The following DENND5B variants were observed in gnomAD, a reference collection of about 807,000 sequenced individuals.
The protein encoded by DENND5B is DENN domain-containing protein 5B.
A neutral mutation model predicts 140.6 loss-of-function variants in DENND5B; 34 were observed. That is an observed-to-expected ratio of 0.24 (90% CI 0.18 to 0.32). The LOEUF is 0.32. DENND5B is among the 10% of genes least tolerant of loss of function. The pLI is 1.00. For missense variants in DENND5B, 1,142 were observed against 1,560.2 expected, an observed-to-expected ratio of 0.73 and a Z score of 4.52; for synonymous variants, 551 against 562.1, an observed-to-expected ratio of 0.98 and a Z score of 0.28.
rs947798277 is a variant in DENND5B, at chr12:31,496,860, G to A, written c.128-941C>T. On this transcript the variant is annotated intron_variant, in intron 1 of 20. Coordinates refer to ENST00000389082, the MANE Select transcript of DENND5B (RefSeq NM_144973.4). The stretch of plus-strand genomic sequence containing the variant: ...TTTCATGAAATATTTTAAGGTAGAC[G>A]GATCTTAAATTCCCAATGTCAAAAA... Among the ~76,000 whole-genome samples, 5 of 151,922 alleles carry A rather than the reference G, an allele frequency of 3.3e-5. No homozygotes were observed. In the South Asian group the frequency reaches 1.0e-3, roughly 31 times the overall value.
chr12:31,477,477 T>G (rs751437043), intron 3 of DENND5B: 1 of 152,236 alleles, frequency 6.6e-6, no homozygotes, highest in Non-Finnish European at 1.5e-5. Flanking sequence ...TAGCAGGCGC[T>G]CTCTCTAAAG....
At chr12:31,444,814 C>T (rs1944205818) in intron 6 of DENND5B, among the ~76,000 whole-genome samples, 2 of 152,226 alleles carry the variant, frequency 1.3e-5, no homozygotes, top group African/African-American at 4.8e-5. Context: ...ATTAATTCTA[C>T]TTTCTCAATT....
At chr12:31,565,812 T>C (rs1949606479) in intron 1 of DENND5B, among the ~76,000 whole-genome samples, 1 of 152,116 alleles carries the variant, frequency 6.6e-6, no homozygotes, top group Admixed American at 6.6e-5. Context: ...GATTGCCAGC[T>C]GCAAACTAGG....
At chr12:31,558,906 C>T (rs955243136) in intron 1 of DENND5B, among the ~76,000 whole-genome samples, 4 of 152,162 alleles carry the variant, frequency 2.6e-5, no homozygotes, top group Non-Finnish European at 5.9e-5. Flanking sequence ...CTAGGAATGA[C>T]TGAAGACTCT....
chr12:31,582,185 AT>A (rs1272712570), intron 1 of DENND5B, among the ~76,000 whole-genome samples: 2 of 151,670 alleles, frequency 1.3e-5, no homozygotes, highest in Admixed American at 6.6e-5. Flanking sequence ...TTTAGGATTA[AT>A]TTTTTTTTAA....
intron 1 of DENND5B, among the ~76,000 whole-genome samples, chr12:31,562,864 C>T (rs1344546457): frequency 6.6e-6 from 1 of 152,002 alleles, no homozygotes; most frequent in African/African-American, 2.4e-5. Flanking sequence ...GGGAACAAAA[C>T]CAGGTGACTT....
intron 5 of DENND5B, 71 bp downstream of exon 5, chr12:31,451,869 A>C: frequency 6.6e-7 from 1 of 1,526,696 alleles, no homozygotes. Context: ...GAAGAATAAA[A>C]AATTTAAAAA....
intron 1 of DENND5B, among the ~76,000 whole-genome samples, chr12:31,567,414 A>T (rs1461574523): frequency 6.6e-6 from 1 of 151,096 alleles, no homozygotes; most frequent in Non-Finnish European, 1.5e-5. Context: ...TACTATTCTA[A>T]TTCAGAATGT....
chr12:31,538,330 T>A (rs534339692), intron 1 of DENND5B, among the ~76,000 whole-genome samples: 1 of 152,056 alleles, frequency 6.6e-6, no homozygotes, highest in Non-Finnish European at 1.5e-5. Context: ...CTGACCACAA[T>A]AGAATAAAAC....
chr12:31,407,099 C>T (rs992107742), intron 14 of DENND5B, among the ~76,000 whole-genome samples: 2 of 151,756 alleles, frequency 1.3e-5, no homozygotes, highest in Admixed American at 6.6e-5. Context: ...TGTGCCTGGC[C>T]TCTTCGATTT....
intron 1 of DENND5B, among the ~76,000 whole-genome samples, chr12:31,517,899 A>G (rs910841778): frequency 3.3e-5 from 5 of 152,272 alleles, no homozygotes; most frequent in South Asian, 2.1e-4. Context: ...TCTGCCTCAC[A>G]CTAACCCTTC....
In DENND5B at chr12:31,551,159, T is replaced by C. The variant is rs915037900; in HGVS notation, c.127+39547A>G. ...GCCCATGCCTATGTCCTGAATGGTA[T>C]TGCCTAGGTTTTCTTCTAGGGTTTT... is the stretch of plus-strand genomic sequence containing the variant. On this transcript the variant is annotated intron_variant, in intron 1 of 20. Coordinates refer to ENST00000389082, the MANE Select transcript of DENND5B (RefSeq NM_144973.4). Among the ~76,000 whole-genome samples, 237 of 152,188 alleles carry C rather than the reference T, an allele frequency of 1.6e-3. 1 individual carries two copies. The highest frequency in any genetic ancestry group is 5.2e-3 in the African/African-American group (214 of 41,528).
intron 7 of DENND5B, among the ~76,000 whole-genome samples, chr12:31,440,343 G>A (rs1036312041): frequency 6.6e-6 from 1 of 151,974 alleles, no homozygotes; most frequent in East Asian, 1.9e-4. Context: ...ACCAGGCCTC[G>A]CATCTTAGCA....
At chr12:31,528,603 A>G (rs959690390) in intron 1 of DENND5B, among the ~76,000 whole-genome samples, 3 of 152,210 alleles carry the variant, frequency 2.0e-5, no homozygotes, top group Non-Finnish European at 4.4e-5. Context: ...CGAACAGACC[A>G]AACACGGAGT....
chr12:31,507,390 C>A (rs774786407), intron 1 of DENND5B, among the ~76,000 whole-genome samples: 1 of 152,180 alleles, frequency 6.6e-6, no homozygotes, highest in African/African-American at 2.4e-5. Flanking sequence ...CTGCCTGGGC[C>A]TCCCAAAGCA....
chr12:31,535,409 GACAC>G (rs969913165), intron 1 of DENND5B, among the ~76,000 whole-genome samples: 5 of 149,954 alleles, frequency 3.3e-5, no homozygotes, highest in Non-Finnish European at 7.4e-5. Flanking sequence ...GAGAGAGAGA[GACAC>G]ACACACACAC....
rs1194356423 is a variant in DENND5B at position 31,454,986 on chromosome 12, T to C, written c.1093-2510A>G. On this transcript the variant is annotated intron_variant, in intron 4 of 20. Transcript: ENST00000389082. ...GGTGCCTGCCACCACGCCCGGCTAA[T>C]TTTTTTTGTATTTTTAGCAGAGACA... 2.6e-5 allele frequency among the ~76,000 whole-genome samples: 4 copies of C among 151,482 alleles called. No individual in the cohort carries two copies. The East Asian group carries it at 7.8e-4, about 29-fold the overall frequency.
intron 1 of DENND5B, among the ~76,000 whole-genome samples, chr12:31,500,027 C>A (rs1252321006): frequency 2.0e-5 from 3 of 152,176 alleles, no homozygotes; most frequent in Non-Finnish European, 4.4e-5. Context: ...TATCCCTTAT[C>A]CAAAATGCTT....
chr12:31,496,524 T>C (rs1375950804), intron 1 of DENND5B, among the ~76,000 whole-genome samples: 1 of 152,184 alleles, frequency 6.6e-6, no homozygotes, highest in Non-Finnish European at 1.5e-5. Context: ...AAATTCATTA[T>C]CTGGCAAAAT....
Sources: allele counts gnomAD v4.1 joint callset (sites outside exome capture counted in the v4.1 genomes callset), GRCh38; gene constraint gnomAD v4.1.1; transcripts MANE v1.5; gene names NCBI Gene and HGNC (gene_info 2026-07-23, HGNC 2026-07-21).